TLR9: variants seen among roughly 807,000 people sequenced by gnomAD.
The protein encoded by TLR9 is toll like receptor 9.
Under a neutral mutation model 24.6 loss-of-function variants are expected in TLR9, and 19 were observed. That is an observed-to-expected ratio of 0.77 (90% CI 0.54 to 1.13). The LOEUF (loss-of-function observed/expected upper bound fraction) is 1.13, where lower values mean the gene tolerates loss of function less well. Among genes scored for constraint, TLR9 ranks in the 50% most tolerant of loss-of-function variants. The probability of loss-of-function intolerance (pLI) is 0.00; values close to 1 mark genes in which losing one functional copy is unlikely to be tolerated. For synonymous variants in TLR9, 579 were observed against 609.8 expected, an observed-to-expected ratio of 0.95 and a Z score of 0.74; for missense variants, 1,065 against 1,379.6, an observed-to-expected ratio of 0.77 and a Z score of 3.61.
rs137890561 is a variant in TLR9, at chr3:52,223,619, C to T, written c.697G>A (p.Val233Ile). Residue 233 changes from valine to isoleucine, a missense_variant, in exon 2 of 2, where the codon GTC becomes ATC. Transcript: ENST00000360658. The part of the protein sequence containing the change: ...EYLLLSYNRI[V>I]KLAPEDLANL... The stretch of plus-strand genomic sequence containing the variant: ...GCCAGGTCCTCAGGCGCCAGTTTGA[C>T]GATGCGGTTGTAGGACAACAGCAGA... The T allele has an allele frequency of 3.6e-5, 56 of 1,552,400 alleles. No homozygotes were observed. The African/African-American group carries it at 6.3e-4, about 17-fold the overall frequency.
intron 1 of TLR9, among the ~76,000 whole-genome samples, chr3:52,225,197 A>G (rs890994353): frequency 6.6e-6 from 1 of 152,136 alleles, no homozygotes; most frequent in Non-Finnish European, 1.5e-5. Context: ...ATACAAAATT[A>G]GCCAGGCATG....
chr3:52,225,563 C>A lies in TLR9; in HGVS notation c.-34G>T. Reference sequence around the variant, plus strand: ...GCAGGGGCTTCTCCAGAGGGTCTGGCGGGCAGACTGGACAGCAGCTACAGG... The same window carrying A: ...GCAGGGGCTTCTCCAGAGGGTCTGGAGGGCAGACTGGACAGCAGCTACAGG... On this transcript the variant is annotated 5_prime_UTR_variant, in exon 1 of 2. Transcript: ENST00000360658. 6.3e-7 allele frequency: 1 copy of A among 1,575,014 alleles called. No homozygotes were observed. The highest frequency in any genetic ancestry group is 8.6e-7 in the Non-Finnish European group (1 of 1,166,082).
chr3:52,222,780 G>A lies in TLR9; in HGVS notation c.1536C>T (p.Val512=), dbSNP rs779852734. Residue 512 remains valine, a synonymous_variant, in exon 2 of 2, where the codon GTC becomes GTT. Coordinates refer to ENST00000360658, the MANE Select transcript of TLR9 (RefSeq NM_017442.4). Reference sequence around the variant, plus strand: ...TCAGCGGCAGGAACTGGGAGCCATTGACTGCCTGCGAGATGCAGTTGTGGC... The same window carrying A: ...TCAGCGGCAGGAACTGGGAGCCATTAACTGCCTGCGAGATGCAGTTGTGGC... The part of the protein sequence containing the change: ...RLSHNCISQA[V]NGSQFLPLTG... 1 of 1,614,054 alleles carries A rather than the reference G, an allele frequency of 6.2e-7. No individual in the cohort carries two copies. The highest frequency in any genetic ancestry group is 2.2e-5 in the East Asian group (1 of 44,892).
Position 52,222,944 on chromosome 3 carries a change from C to G in TLR9, c.1372G>C (p.Val458Leu). Reference protein sequence around the residue: ...LQPGDLAPAPVDTPSSEDFRP... With the variant: ...LQPGDLAPAPLDTPSSEDFRP... ...AAGTCTTCAGAGCTGGGAGTGTCCACTGGGGCCGGAGCAAGGTCCCCAGGC... is the reference window on the plus strand; with the variant it reads ...AAGTCTTCAGAGCTGGGAGTGTCCAGTGGGGCCGGAGCAAGGTCCCCAGGC... The change falls in exon 2 of 2, where the codon GTG becomes CTG. Residue 458 changes from valine (V) to leucine (L), a missense_variant. Physicochemically the swap from Val to Leu is conservative, Grantham distance 32 (BLOSUM62 1). Coordinates refer to ENST00000360658, the MANE Select transcript of TLR9 (RefSeq NM_017442.4). The G allele has an allele frequency of 6.3e-7, 1 of 1,599,206 alleles. No individual in the cohort carries two copies. Among genetic ancestry groups the G allele is most frequent in the Non-Finnish European group, 8.5e-7 (1 of 1,169,988 alleles).
Position 52,224,036 on chromosome 3 carries a change from G to T in TLR9, c.280C>A (p.Leu94Ile). The T allele has an allele frequency of 6.3e-7, 1 of 1,584,856 alleles. No individual in the cohort carries two copies. Among genetic ancestry groups the T allele is most frequent in the Non-Finnish European group, 8.6e-7 (1 of 1,161,700 alleles). The change falls in exon 2 of 2, where the codon CTC becomes ATC. Residue 94 changes from leucine to isoleucine, a missense_variant. Transcript: ENST00000360658. ...AHLPSLRHLN[L>I]KWNCPPVGLS... ...CCAACCGGCGGGCAGTTCCACTTGA[G>T]GTTGAGATGCCGCAGGCTGGGCAGG...
In TLR9 at chr3:52,223,671, G is replaced by A; in HGVS notation, c.645C>T (p.Pro215=). 6.3e-7 allele frequency: 1 copy of A among 1,598,202 alleles called. No homozygotes were observed. The highest frequency in any genetic ancestry group is 8.5e-7 in the Non-Finnish European group (1 of 1,171,640). Residue 215 remains proline, a synonymous_variant, in exon 2 of 2, where the codon CCC becomes CCT. Transcript: ENST00000360658. ...SLKYNNLTVV[P]RNLPSSLEYL... Reference sequence around the variant, plus strand: ...ACTCCAGGCTGGAAGGCAGGTTGCGGGGCACCACAGTGAGGTTGTTGTACT... The same window carrying A: ...ACTCCAGGCTGGAAGGCAGGTTGCGAGGCACCACAGTGAGGTTGTTGTACT...
Position 52,221,360 on chromosome 3 carries a change from G to T in TLR9, c.2956C>A (p.Arg986Ser). ...RRSRYVRLRQRLCRQSVLLWP... is the reference protein window; with the variant it reads ...RRSRYVRLRQSLCRQSVLLWP... ...AGGAGGACACTCTGGCGGCAGAGGC[G>T]CTGGCGCAGCCGCACGTAGCGGGAG... Residue 986 changes from arginine (R) to serine (S), a missense_variant, in exon 2 of 2, where the codon CGC (arginine) becomes AGC (serine). Physicochemically the swap from Arg to Ser is moderately radical, Grantham distance 110. Transcript: ENST00000360658. This position sits in a 1 kb window ranked among gnomAD's most constrained non-coding sequence, Gnocchi z 9.9. 3 of 1,584,502 alleles carry T rather than the reference G, an allele frequency of 1.9e-6. No homozygotes were observed. The highest frequency in any genetic ancestry group is 2.6e-6 in the Non-Finnish European group (3 of 1,163,304).
Position 52,221,744 on chromosome 3 carries a change from C to G in TLR9, c.2572G>C (p.Gly858Arg). Residue 858 changes from glycine (G) to arginine (R), a missense_variant, in exon 2 of 2, where the codon GGG (glycine) becomes CGG (arginine). Physicochemically the swap from Gly to Arg is moderately radical, Grantham distance 125. Transcript: ENST00000360658. This position sits in a 1 kb window ranked among gnomAD's most constrained non-coding sequence, Gnocchi z 9.9. ...TCCTCATCTCGCCCACTTTGCCGCC[C>G]CCGCCAGGGAAGCCAGGCCAGGCAC... ...HLCLAWLPWR[G>R]RQSGRDEDAL... 1 of 1,613,948 alleles carries G rather than the reference C, an allele frequency of 6.2e-7. No homozygotes were observed. Among genetic ancestry groups the G allele is most frequent in the Non-Finnish European group, 8.5e-7 (1 of 1,180,026 alleles).
At position 52,223,062 on chromosome 3, in the gene TLR9, G is replaced by C. The variant is rs199776726; in HGVS notation, c.1254C>G (p.Arg418=). 17 of 1,603,028 alleles carry C rather than the reference G, an allele frequency of 1.1e-5. No homozygotes were observed. In the African/African-American group the frequency reaches 1.7e-4, roughly 16 times the overall value. ...TGCGGTTGTCCGACAGGTCCACGTA[G>C]CGCAGGCCAGGGAAGGCCCTGAAGA... ...LGIFRAFPGL[R]YVDLSDNRIS... The change falls in exon 2 of 2, where the codon CGC becomes CGG. Residue 418 remains arginine (R), a synonymous_variant. Transcript: ENST00000360658.
In TLR9 at chr3:52,222,722, T is replaced by C. The variant is rs1174928876; in HGVS notation, c.1594A>G (p.Lys532Glu). 2.5e-6 allele frequency: 4 copies of C among 1,613,726 alleles called. No individual in the cohort carries two copies. The highest frequency in any genetic ancestry group is 3.4e-6 in the Non-Finnish European group (4 of 1,179,876). The change falls in exon 2 of 2, where the codon AAG becomes GAG. Residue 532 changes from lysine to glutamate, a missense_variant. Coordinates refer to ENST00000360658, the MANE Select transcript of TLR9 (RefSeq NM_017442.4). Reference protein sequence around the residue: ...GLQVLDLSHNKLDLYHEHSFT... With the variant: ...GLQVLDLSHNELDLYHEHSFT... Reference sequence around the variant, plus strand: ...GAGTGCTCGTGGTAGAGGTCCAGCTTATTGTGGGACAGGTCTAGCACCTGC... The same window carrying C: ...GAGTGCTCGTGGTAGAGGTCCAGCTCATTGTGGGACAGGTCTAGCACCTGC...
rs756875974 is a variant in TLR9, at chr3:52,221,701, G to C, written c.2615C>G (p.Ala872Gly). 6 of 1,613,938 alleles carry C rather than the reference G, an allele frequency of 3.7e-6. No homozygotes were observed. Among genetic ancestry groups the C allele is most frequent in the Non-Finnish European group, 5.1e-6 (6 of 1,180,032 alleles). ...GRDEDALPYDAFVVFDKTQSA... is the reference protein window; with the variant it reads ...GRDEDALPYDGFVVFDKTQSA... ...CTGCGTTTTGTCGAAGACCACGAAGGCATCGTAGGGCAGGGCATCCTCATC... is the reference window on the plus strand; with the variant it reads ...CTGCGTTTTGTCGAAGACCACGAAGCCATCGTAGGGCAGGGCATCCTCATC... The change falls in exon 2 of 2, where the codon GCC becomes GGC. Residue 872 changes from alanine to glycine, a missense_variant. By Grantham distance (60) the Ala-to-Gly change is moderately conservative. Transcript: ENST00000360658. The surrounding 1 kb of genome is among the most constrained non-coding windows in gnomAD (Gnocchi z 9.9).
chr3:52,224,352 G>A (rs199515278), intron 1 of TLR9, 40 bp from the exon 2 acceptor site: 1 of 1,484,848 alleles, frequency 6.7e-7, no homozygotes, highest in East Asian at 2.5e-5. Flanking sequence ...CCGGCCCCCA[G>A]CTCTACCTCC....
chr3:52,221,917 C>T lies in TLR9; in HGVS notation c.2399G>A (p.Ser800Asn). 1 of 1,613,296 alleles carries T rather than the reference C, an allele frequency of 6.2e-7. No individual in the cohort carries two copies. The highest frequency in any genetic ancestry group is 8.5e-7 in the Non-Finnish European group (1 of 1,179,802). The change falls in exon 2 of 2, where the codon AGC becomes AAC. Residue 800 changes from serine (S) to asparagine (N), a missense_variant. By Grantham distance (46) the Ser-to-Asn change is conservative (BLOSUM62 1). Transcript: ENST00000360658. This position sits in a 1 kb window ranked among gnomAD's most constrained non-coding sequence, Gnocchi z 9.9. Reference sequence around the variant, plus strand: ...GAGGCGCAGGTCCTGTGCAAAGATGCTGAGGCCCTGGAGCTGGCCCGGACT... The same window carrying T: ...GAGGCGCAGGTCCTGTGCAAAGATGTTGAGGCCCTGGAGCTGGCCCGGACT... ...CGSPGQLQGL[S>N]IFAQDLRLCL...
intron 1 of TLR9, 43 bp from the exon 2 acceptor site, chr3:52,224,355 C>CT (rs1333438179): frequency 6.9e-7 from 1 of 1,456,034 alleles, no homozygotes; most frequent in South Asian, 1.2e-5. Flanking sequence ...GCCCCCAGCT[C>CT]TACCTCCACC....
rs748433400 is a variant in TLR9 at position 52,223,800 on chromosome 3, T to G, written c.516A>C (p.Leu172=). The change falls in exon 2 of 2, where the codon CTA becomes CTC. Residue 172 remains leucine (L), a synonymous_variant. Coordinates refer to ENST00000360658, the MANE Select transcript of TLR9 (RefSeq NM_017442.4). ...SLAGLHALRF[L]FMDGNCYYKN... ...TGTAATAACAGTTGCCGTCCATGAA[T>G]AGGAAGCGCAGGGCATGCAGGCCGG... 6 of 1,592,694 alleles carry G rather than the reference T, an allele frequency of 3.8e-6. No individual in the cohort carries two copies. The highest frequency in any genetic ancestry group is 5.1e-6 in the Non-Finnish European group (6 of 1,168,174).
rs768844402 is a variant in TLR9 at position 52,223,778 on chromosome 3, A to G, written c.538T>C (p.Tyr180His). 2 of 1,578,080 alleles carry G rather than the reference A, an allele frequency of 1.3e-6. No individual in the cohort carries two copies. The highest frequency in any genetic ancestry group is 1.7e-6 in the Non-Finnish European group (2 of 1,160,488). The change falls in exon 2 of 2, where the codon TAC becomes CAC. Residue 180 changes from tyrosine (Y) to histidine (H), a missense_variant. Tyr to His is a moderately conservative substitution (Grantham distance 83, BLOSUM62 2). Coordinates refer to ENST00000360658, the MANE Select transcript of TLR9 (RefSeq NM_017442.4). ...RFLFMDGNCY[Y>H]KNPCRQALEV... ...AGTGCCTGCCTGCAGGGGTTCTTGT[A>G]ATAACAGTTGCCGTCCATGAATAGG...
Position 52,221,153 on chromosome 3 carries a change from C to A in TLR9, c.*64G>T, listed in dbSNP as rs1699546258. 2.1e-6 allele frequency: 3 copies of A among 1,450,364 alleles called. No individual in the cohort carries two copies. The highest frequency in any genetic ancestry group is 2.9e-5 in the South Asian group (2 of 69,876). 89.8% of individuals were successfully genotyped at this position (1,450,364 alleles called of 1,614,324 possible). A position where few individuals can be genotyped will look rare whatever the true frequency, so the allele number is the denominator to read the frequency against. On this transcript the variant is annotated 3_prime_UTR_variant, in exon 2 of 2. Transcript: ENST00000360658. This position sits in a 1 kb window ranked among gnomAD's most constrained non-coding sequence, Gnocchi z 9.9. ...GTGAGGGAGGCGAGCAGGGGAGGGTCAGACCAGGCAGGCAGAGGTGAGGTG... is the reference window on the plus strand; with the variant it reads ...GTGAGGGAGGCGAGCAGGGGAGGGTAAGACCAGGCAGGCAGAGGTGAGGTG...
chr3:52,225,048 G>C (rs765964959), intron 1 of TLR9, among the ~76,000 whole-genome samples: 4 of 152,226 alleles, frequency 2.6e-5, no homozygotes, highest in Non-Finnish European at 4.4e-5. Flanking sequence ...TCATTGCTCA[G>C]AAGAGGGCTT....
chr3:52,221,614 C>A lies in TLR9; in HGVS notation c.2702G>T (p.Arg901Leu), dbSNP rs755472700. 19 of 1,613,520 alleles carry A rather than the reference C, an allele frequency of 1.2e-5. No homozygotes were observed. The highest frequency in any genetic ancestry group is 1.6e-5 in the Non-Finnish European group (19 of 1,179,960). The stretch of plus-strand genomic sequence containing the variant: ...CTCCAGGCACAGGCGGAGTGCCCAG[C>A]GCCCACGGCACTCCTCCAGCTGCCC... ...LRGQLEECRG[R>L]WALRLCLEER... The change falls in exon 2 of 2, where the codon CGC becomes CTC. Residue 901 changes from arginine to leucine, a missense_variant. Arg to Leu is a moderately radical substitution (Grantham distance 102, BLOSUM62 -2). Transcript: ENST00000360658. This position sits in a 1 kb window ranked among gnomAD's most constrained non-coding sequence, Gnocchi z 9.9.
Sources: allele counts gnomAD v4.1 joint callset (sites outside exome capture counted in the v4.1 genomes callset), GRCh38; gene constraint gnomAD v4.1.1; non-coding constraint Gnocchi (gnomAD v3.1); transcripts MANE v1.5; gene names NCBI Gene and HGNC (gene_info 2026-07-23, HGNC 2026-07-21).